Variants in DGCR2 observed in about 807,000 individuals in gnomAD.
DGCR2 encodes the protein integral membrane protein DGCR2/IDD.
Under a neutral mutation model 51.6 loss-of-function variants are expected in DGCR2, and 24 were observed. The ratio of observed to expected loss-of-function variants is 0.47; its 90% confidence interval spans 0.34 to 0.65. The LOEUF (loss-of-function observed/expected upper bound fraction) is 0.65. Among genes scored for constraint, DGCR2 ranks in the 30% least tolerant of loss-of-function variants. The pLI, the probability that DGCR2 is intolerant of heterozygous loss-of-function variation, is 0.01. For synonymous variants in DGCR2, 340 were observed against 315.4 expected (o/e 1.08, Z -0.82); for missense variants, 765 against 772.1 (o/e 0.99, Z 0.11).
At chr22:19,096,573 G>A (rs1436833716) in intron 1 of DGCR2, among the ~76,000 whole-genome samples, 1 of 151,460 alleles carries the variant, frequency 6.6e-6, no homozygotes. Context: ...CCCCACACAT[G>A]TAACTACTGT....
chr22:19,093,361 G>GA (rs35223547), intron 1 of DGCR2, among the ~76,000 whole-genome samples: 191 of 120,446 alleles, frequency 1.6e-3, no homozygotes, highest in East Asian at 4.0e-3. Flanking sequence ...ACTCCACCTC[G>GA]AAAAAAAAAA....
chr22:19,122,069 G>A, intron 1 of DGCR2, 59 bp downstream of exon 1: 2 of 1,316,702 alleles, frequency 1.5e-6, no homozygotes, highest in South Asian at 1.7e-5. Flanking sequence ...GGAGGTCCCG[G>A]GGCGACCCCG....
At position 19,122,284 on chromosome 22, in the gene DGCR2, C is replaced by A; in HGVS notation, c.-78G>T. On this transcript the variant is annotated 5_prime_UTR_variant, in exon 1 of 10. Transcript: ENST00000263196. Reference sequence around the variant, plus strand: ...CTGAGGGTCAGGGGACCGTGCCAAGCGGAGGGTCAGGCGGAGCTGAACCTG... The same window carrying A: ...CTGAGGGTCAGGGGACCGTGCCAAGAGGAGGGTCAGGCGGAGCTGAACCTG... 7.9e-7 allele frequency: 1 copy of A among 1,263,902 alleles called. No individual in the cohort carries two copies. The highest frequency in any genetic ancestry group is 1.1e-6 in the Non-Finnish European group (1 of 940,864). The allele number at this position is 1,263,902 out of a possible 1,614,324, so 78.3% of individuals were successfully genotyped here.
chr22:19,062,797 T>TCTCC (rs2082692479), intron 5 of DGCR2, among the ~76,000 whole-genome samples: 1 of 148,980 alleles, frequency 6.7e-6, no homozygotes, highest in Non-Finnish European at 1.5e-5. Flanking sequence ...TCTCTCTCTC[T>TCTCC]CTCTCTCTCT....
At chr22:19,078,461 T>C (rs1337152203) in intron 2 of DGCR2, among the ~76,000 whole-genome samples, 1 of 152,238 alleles carries the variant, frequency 6.6e-6, no homozygotes, top group Non-Finnish European at 1.5e-5. Context: ...TCTAACCATG[T>C]TTCTGTGAAA....
chr22:19,119,735 C>CAAAA (rs57362176), intron 1 of DGCR2, among the ~76,000 whole-genome samples: 1,961 of 77,994 alleles, frequency 0.025, 36 homozygotes, highest in Middle Eastern at 0.037. Context: ...GACTCTGTCT[C>CAAAA]AAAAAAAAAA....
At chr22:19,056,394 A>T in intron 6 of DGCR2, 1 of 432,674 alleles carries the variant, frequency 2.3e-6, no homozygotes, top group Non-Finnish European at 4.2e-6. Context: ...ATGATCCGCA[A>T]GAACAAAGCC....
At chr22:19,081,599 G>A (rs182730250) in intron 2 of DGCR2, among the ~76,000 whole-genome samples, 1 of 152,340 alleles carries the variant, frequency 6.6e-6, no homozygotes, top group East Asian at 1.9e-4. Context: ...GAGTTGGAGA[G>A]GATGTGGATG....
chr22:19,041,828 C>T lies in DGCR2; in HGVS notation c.1138G>A (p.Glu380Lys), dbSNP rs775108492. Residue 380 changes from glutamate to lysine, a missense_variant, in exon 8 of 10, where the codon GAG (glutamate) becomes AAG (lysine). Coordinates refer to ENST00000263196, the MANE Select transcript of DGCR2 (RefSeq NM_005137.3). Reference sequence around the variant, plus strand: ...TTACAGTTTGCTCCAATCAGGGACTCGATGCGCTCCCGGCGCCGCTGGCGC... The same window carrying T: ...TTACAGTTTGCTCCAATCAGGGACTTGATGCGCTCCCGGCGCCGCTGGCGC... ...RLRQRRRERI[E>K]SLIGANLHHF... is the part of the protein sequence containing the mutation. 10 of 1,612,492 alleles carry T rather than the reference C, an allele frequency of 6.2e-6. No homozygotes were observed. The highest frequency in any genetic ancestry group is 1.1e-5 in the South Asian group (1 of 91,002).
intron 2 of DGCR2, among the ~76,000 whole-genome samples, chr22:19,071,525 C>CA (rs1420371428): frequency 3.3e-5 from 5 of 151,844 alleles, no homozygotes; most frequent in Non-Finnish European, 7.4e-5. Context: ...AAGAAAGAGA[C>CA]AAGTCCAAAT....
chr22:19,065,364 A>C (rs2082736944), intron 3 of DGCR2, among the ~76,000 whole-genome samples: 1 of 152,228 alleles, frequency 6.6e-6, no homozygotes, highest in Admixed American at 6.5e-5. Context: ...AGTGGATTTC[A>C]TTCTCTGGGT....
chr22:19,093,810 A>T (rs981843641), intron 1 of DGCR2, among the ~76,000 whole-genome samples: 7 of 152,170 alleles, frequency 4.6e-5, no homozygotes, highest in African/African-American at 1.7e-4. Flanking sequence ...CAGCCTGTGC[A>T]ACATAACAAG....
At chr22:19,045,200 GGTTGAAAGACTA>G (rs1419564788) in intron 7 of DGCR2, 1 of 152,208 alleles carries the variant, frequency 6.6e-6, no homozygotes, top group African/African-American at 2.4e-5. Context: ...CAGCACCAGT[GGTTGAAAGACTA>G]TCCTTTCTCC....
At chr22:19,083,096 A>G (rs992316146) in intron 2 of DGCR2, among the ~76,000 whole-genome samples, 5 of 152,112 alleles carry the variant, frequency 3.3e-5, no homozygotes, top group Admixed American at 1.3e-4. Flanking sequence ...CAAAAAAAAA[A>G]AAAAAGAAAA....
rs369496127 is a variant in DGCR2, at chr22:19,038,838, A to G, written c.*27T>C. 1.9e-5 allele frequency: 31 copies of G among 1,601,924 alleles called. No individual in the cohort carries two copies. The African/African-American group carries it at 3.5e-4, about 18-fold the overall frequency. On this transcript the variant is annotated 3_prime_UTR_variant, in exon 10 of 10. Transcript: ENST00000263196. ...TTTTCTACAACAGACAGGTGCTCCCAGACCGTTGGGGTACAGGCCAGGCCG... is the reference window on the plus strand; with the variant it reads ...TTTTCTACAACAGACAGGTGCTCCCGGACCGTTGGGGTACAGGCCAGGCCG...
Position 19,048,658 on chromosome 22 carries a change from C to T in DGCR2, c.803-15G>A, listed in dbSNP as rs946883158. ...ACATGTTTGACCTGCAATGAGCATA[C>T]ATTGTGTACAGATGTATACAATGCC... On this transcript the variant is annotated splice_polypyrimidine_tract_variant and intron_variant, in intron 6 of 9. Coordinates refer to ENST00000263196, the MANE Select transcript of DGCR2 (RefSeq NM_005137.3). The T allele has an allele frequency of 4.3e-6, 7 of 1,613,912 alleles. No homozygotes were observed. The highest frequency in any genetic ancestry group is 5.9e-6 in the Non-Finnish European group (7 of 1,179,910).
At chr22:19,050,987 G>A (rs2082541912) in intron 6 of DGCR2, among the ~76,000 whole-genome samples, 1 of 151,990 alleles carries the variant, frequency 6.6e-6, no homozygotes, top group African/African-American at 2.4e-5. Context: ...TCAGGAGTTT[G>A]AGACCAGCCT....
Position 19,038,762 on chromosome 22 carries a change from G to A in DGCR2, c.*103C>T, listed in dbSNP as rs150650402. 1.2e-5 allele frequency: 17 copies of A among 1,465,756 alleles called. No individual in the cohort carries two copies. The South Asian group carries it at 1.2e-4, about 10-fold the overall frequency. 90.8% of individuals were successfully genotyped at this position (1,465,756 alleles called of 1,614,324 possible). A position where few individuals can be genotyped will look rare whatever the true frequency, so the allele number is the denominator to read the frequency against. On this transcript the variant is annotated 3_prime_UTR_variant, in exon 10 of 10. Transcript: ENST00000263196. ...GCCCGCCAGTGACGTGCGGCAGTGC[G>A]TGGCGTCCAGGCTGGGACAGGGGCC...
chr22:19,051,589 G>A (rs1042306579), intron 6 of DGCR2, among the ~76,000 whole-genome samples: 10 of 152,182 alleles, frequency 6.6e-5, no homozygotes, highest in Admixed American at 2.6e-4. Flanking sequence ...AGCCAGGCAT[G>A]ACGGTGCACA....
Sources: allele counts gnomAD v4.1 joint callset (sites outside exome capture counted in the v4.1 genomes callset), GRCh38; gene constraint gnomAD v4.1.1; transcripts MANE v1.5; gene names NCBI Gene and HGNC (gene_info 2026-07-23, HGNC 2026-07-21).